PTPRM: variants seen among roughly 807,000 people sequenced by gnomAD.
PTPRM encodes the protein protein tyrosine phosphatase receptor type M, also known as receptor-type tyrosine-protein phosphatase mu.
Under a neutral mutation model 186.7 loss-of-function variants are expected in PTPRM, and 47 were observed. The observed-to-expected ratio is 0.25, with a 90% CI of 0.20 to 0.32. The LOEUF (loss-of-function observed/expected upper bound fraction) is 0.32. PTPRM is among the 10% of genes least tolerant of loss of function. The pLI is 1.00. For synonymous variants in PTPRM, 668 were observed against 674.9 expected (o/e 0.99, Z 0.16); for missense variants, 1,494 against 1,865.0 (o/e 0.80, Z 3.66).
At chr18:8,298,062 G>A (rs146475938) in intron 20 of PTPRM, among the ~76,000 whole-genome samples, 4 of 152,270 alleles carry the variant, frequency 2.6e-5, no homozygotes, top group Non-Finnish European at 2.9e-5. Context: ...AAACCCAACC[G>A]GGCAGTCAGA....
intron 1 of PTPRM, among the ~76,000 whole-genome samples, chr18:7,596,592 C>G (rs2037267055): frequency 6.6e-6 from 1 of 152,066 alleles, no homozygotes; most frequent in South Asian, 2.1e-4. Flanking sequence ...TAAACTTCAT[C>G]ATAGGTATGT....
At chr18:8,312,907 C>A (rs1413403215) in intron 20 of PTPRM, among the ~76,000 whole-genome samples, 2 of 152,180 alleles carry the variant, frequency 1.3e-5, no homozygotes, top group African/African-American at 4.8e-5. Context: ...AAGTGGAAAG[C>A]CCCGTCAAGG....
At chr18:7,645,502 T>C (rs2038539770) in intron 1 of PTPRM, among the ~76,000 whole-genome samples, 1 of 150,814 alleles carries the variant, frequency 6.6e-6, no homozygotes, top group African/African-American at 2.4e-5. Context: ...CTTATAAAAA[T>C]AAAAAAAGTC....
chr18:7,646,235 T>C (rs774923015), intron 1 of PTPRM, among the ~76,000 whole-genome samples: 1 of 152,252 alleles, frequency 6.6e-6, no homozygotes, highest in Non-Finnish European at 1.5e-5. Flanking sequence ...GTGGGATTAC[T>C]GTCTCCAGAG....
intron 23 of PTPRM, among the ~76,000 whole-genome samples, chr18:8,367,886 C>G (rs2095641666): frequency 1.3e-5 from 2 of 152,206 alleles, no homozygotes; most frequent in Admixed American, 1.3e-4. Flanking sequence ...TCCAAAATAT[C>G]ATACATCAAT....
At chr18:8,105,780 T>A (rs2091487644) in intron 11 of PTPRM, among the ~76,000 whole-genome samples, 1 of 152,166 alleles carries the variant, frequency 6.6e-6, no homozygotes, top group African/African-American at 2.4e-5. Flanking sequence ...CAGAGCCAAA[T>A]TCCACTGCCA....
chr18:7,627,841 T>C (rs1260357108), intron 1 of PTPRM, among the ~76,000 whole-genome samples: 1 of 152,144 alleles, frequency 6.6e-6, no homozygotes, highest in Non-Finnish European at 1.5e-5. Context: ...TAGCAGTTAG[T>C]TAGGAAATGG....
chr18:7,943,610 G>A (rs1006851851), intron 5 of PTPRM, among the ~76,000 whole-genome samples: 1 of 152,124 alleles, frequency 6.6e-6, no homozygotes, highest in Non-Finnish European at 1.5e-5. Context: ...CTAAAAGAAG[G>A]TGACGGCAGG....
At chr18:8,141,725 T>C (rs187832857) in intron 13 of PTPRM, among the ~76,000 whole-genome samples, 159 of 152,332 alleles carry the variant, frequency 1.0e-3, no homozygotes, top group African/African-American at 3.8e-3. Context: ...TTAGGAAATA[T>C]ACATGGAGAG....
chr18:8,114,977 G>A (rs572493148), intron 13 of PTPRM, 150 bp downstream of exon 13: 2 of 599,528 alleles, frequency 3.3e-6, no homozygotes. Context: ...ATGCATGTAT[G>A]TATTAGGATC....
intron 23 of PTPRM, among the ~76,000 whole-genome samples, chr18:8,358,249 G>GCACACACACACACACACA (rs144869213): frequency 2.0e-5 from 3 of 147,550 alleles, no homozygotes; most frequent in Non-Finnish European, 4.5e-5. Context: ...CACATGACAC[G>GCACACACACACACACACA]CACACACACA....
chr18:7,875,892 C>G (rs1009481025), intron 2 of PTPRM, among the ~76,000 whole-genome samples: 1 of 152,080 alleles, frequency 6.6e-6, no homozygotes, highest in Non-Finnish European at 1.5e-5. Flanking sequence ...GATGGTAGAG[C>G]CTACAGCACA....
chr18:7,889,333 C>CTTTCTTT (rs1555633913), intron 3 of PTPRM, among the ~76,000 whole-genome samples: 13 of 119,824 alleles, frequency 1.1e-4, no homozygotes, highest in East Asian at 2.4e-4. Flanking sequence ...TCTTTTCTTT[C>CTTTCTTT]TTTTTTTTTT....
At chr18:7,932,251 T>C (rs1287731623) in intron 5 of PTPRM, among the ~76,000 whole-genome samples, 2 of 152,188 alleles carry the variant, frequency 1.3e-5, no homozygotes, top group Admixed American at 6.5e-5. Flanking sequence ...CAGTTGGCAG[T>C]GGAAACCTGG....
chr18:8,294,466 G>C (rs946684277), intron 19 of PTPRM, among the ~76,000 whole-genome samples: 20 of 152,054 alleles, frequency 1.3e-4, no homozygotes, highest in South Asian at 2.1e-4. Context: ...CAAATCTCAT[G>C]AGAACTCACT....
chr18:7,984,556 C>A, intron 7 of PTPRM, among the ~76,000 whole-genome samples: 2 of 111,388 alleles, frequency 1.8e-5, no homozygotes, highest in African/African-American at 3.4e-5. Context: ...CATATATGCC[C>A]CATATATATA....
At chr18:8,216,600 G>C (rs999960920) in intron 14 of PTPRM, among the ~76,000 whole-genome samples, 4 of 151,938 alleles carry the variant, frequency 2.6e-5, no homozygotes, top group Non-Finnish European at 5.9e-5. Flanking sequence ...ATTTTGTTTT[G>C]TTTTTCTGAA....
intron 4 of PTPRM, among the ~76,000 whole-genome samples, chr18:7,916,425 T>C (rs376856034): frequency 5.9e-5 from 9 of 152,328 alleles, no homozygotes; most frequent in African/African-American, 2.2e-4. Context: ...TAGAAGTTAG[T>C]ACTTATTGTA....
chr18:8,406,146 A>C lies in PTPRM; in HGVS notation c.4382A>C (p.Tyr1461Ser). 6.2e-7 allele frequency: 1 copy of C among 1,614,124 alleles called. No homozygotes were observed. The highest frequency in any genetic ancestry group is 8.5e-7 in the Non-Finnish European group (1 of 1,179,994). ...YKFCYEVALE[Y>S]LNSG ...TTCTGCTACGAGGTGGCCCTGGAAT[A>C]CTTGAATTCTGGCTGATGGTGTAAA... Residue 1461 changes from tyrosine (Y) to serine (S), a missense_variant, in exon 33 of 33, where the codon TAC becomes TCC. Coordinates refer to ENST00000580170, the MANE Select transcript of PTPRM (RefSeq NM_001105244.2).
Sources: allele counts gnomAD v4.1 joint callset (sites outside exome capture counted in the v4.1 genomes callset), GRCh38; gene constraint gnomAD v4.1.1; transcripts MANE v1.5; gene names NCBI Gene and HGNC (gene_info 2026-07-23, HGNC 2026-07-21).